The following PPARGC1A variants were observed in gnomAD, a reference collection of about 807,000 sequenced individuals.
The protein encoded by PPARGC1A is peroxisome proliferator-activated receptor gamma coactivator 1-alpha.
PPARGC1A carries 25 observed loss-of-function variants against 88.7 expected under a neutral mutation model. That is an observed-to-expected ratio of 0.28 (90% CI 0.21 to 0.39). The LOEUF is 0.39. Among genes scored for constraint, PPARGC1A ranks in the 10% least tolerant of loss-of-function variants. The pLI is 1.00. For synonymous variants in PPARGC1A, 363 were observed against 355.6 expected, an observed-to-expected ratio of 1.02 and a Z score of -0.24; for missense variants, 880 against 968.7, an observed-to-expected ratio of 0.91 and a Z score of 1.22.
chr4:24,183,926 G>A, the PPARGC1A span, among the ~76,000 whole-genome samples: 2 of 152,240 alleles, frequency 1.3e-5, no homozygotes, highest in East Asian at 1.9e-4. Flanking sequence ...TTTACAAAAC[G>A]GGCCTGGTGT....
intron 10 of PPARGC1A, among the ~76,000 whole-genome samples, chr4:23,812,005 C>A (rs1323843657): frequency 7.1e-6 from 1 of 139,990 alleles, no homozygotes; most frequent in East Asian, 2.3e-4. Flanking sequence ...GCAACCTCCA[C>A]CTCCCTGGTT....
the PPARGC1A span, among the ~76,000 whole-genome samples, chr4:23,917,032 G>T: frequency 5.2e-4 from 79 of 152,268 alleles, no homozygotes; most frequent in Admixed American, 7.2e-4. Flanking sequence ...CTGTGTTCTT[G>T]TTCCCCGCAC....
At chr4:24,463,184 G>A in the PPARGC1A span, among the ~76,000 whole-genome samples, 2 of 152,138 alleles carry the variant, frequency 1.3e-5, no homozygotes, top group Non-Finnish European at 2.9e-5. Context: ...TAAAAATAAA[G>A]TGATGTTGAA....
the PPARGC1A span, among the ~76,000 whole-genome samples, chr4:24,332,569 T>A: frequency 6.6e-6 from 1 of 152,222 alleles, no homozygotes; most frequent in Non-Finnish European, 1.5e-5. Flanking sequence ...TTATCACTTA[T>A]CATTTCAATA....
At chr4:23,955,572 G>A in the PPARGC1A span, among the ~76,000 whole-genome samples, 1 of 151,954 alleles carries the variant, frequency 6.6e-6, no homozygotes, top group African/African-American at 2.4e-5. Context: ...TGAACGTTCA[G>A]GAAAGCAACA....
At chr4:24,150,028 G>A in the PPARGC1A span, among the ~76,000 whole-genome samples, 47 of 152,214 alleles carry the variant, frequency 3.1e-4, no homozygotes, top group Middle Eastern at 3.4e-3. Context: ...TCAATAACTC[G>A]TAGACAGTAT....
intron 10 of PPARGC1A, among the ~76,000 whole-genome samples, chr4:23,811,272 T>C (rs934733247): frequency 6.6e-5 from 10 of 152,212 alleles, no homozygotes; most frequent in East Asian, 1.9e-4. Context: ...TTTTGCAAAA[T>C]TGTGTTGATG....
At chr4:24,259,713 C>T in the PPARGC1A span, among the ~76,000 whole-genome samples, 1 of 152,152 alleles carries the variant, frequency 6.6e-6, no homozygotes, top group Non-Finnish European at 1.5e-5. Flanking sequence ...AGGCACTCCA[C>T]GAATATCGAT....
At chr4:24,446,300 G>C in the PPARGC1A span, among the ~76,000 whole-genome samples, 1 of 152,240 alleles carries the variant, frequency 6.6e-6, no homozygotes, top group Non-Finnish European at 1.5e-5. Flanking sequence ...GTATCTCATT[G>C]TTTTGATGTG....
intron 5 of PPARGC1A, among the ~76,000 whole-genome samples, chr4:23,828,079 G>A (rs1451616148): frequency 6.6e-6 from 1 of 152,130 alleles, no homozygotes; most frequent in Non-Finnish European, 1.5e-5. Flanking sequence ...GGTTAGCCCA[G>A]CTTGTTCATA....
At chr4:24,324,169 G>A in the PPARGC1A span, among the ~76,000 whole-genome samples, 10 of 152,116 alleles carry the variant, frequency 6.6e-5, no homozygotes, top group African/African-American at 2.2e-4. Flanking sequence ...CACCCTTAGC[G>A]GCAAGTCCTG....
chr4:24,027,229 G>GTGTGTGTGTGTGTGTC, the PPARGC1A span, among the ~76,000 whole-genome samples: 504 of 143,248 alleles, frequency 3.5e-3, 3 homozygotes, highest in African/African-American at 0.012. Context: ...CTGTGTGTCT[G>GTGTGTGTGTGTGTGTC]TGTGTGTCTG....
the PPARGC1A span, among the ~76,000 whole-genome samples, chr4:24,133,892 T>C: frequency 6.6e-6 from 1 of 152,192 alleles, no homozygotes; most frequent in Admixed American, 6.5e-5. Context: ...CCTTAAATCC[T>C]AAACTGTCCC....
chr4:24,419,285 C>A, the PPARGC1A span, among the ~76,000 whole-genome samples: 1 of 151,408 alleles, frequency 6.6e-6, no homozygotes, highest in Non-Finnish European at 1.5e-5. Flanking sequence ...TGCTCAGAAA[C>A]CACGGAAGTG....
intron 12 of PPARGC1A, among the ~76,000 whole-genome samples, chr4:23,796,377 A>C (rs947619908): frequency 2.0e-5 from 3 of 152,176 alleles, no homozygotes; most frequent in Admixed American, 6.5e-5. Context: ...CTTCAACCTG[A>C]TGCTTCTCTT....
At chr4:23,829,004 T>C (rs1046127854) in intron 4 of PPARGC1A, among the ~76,000 whole-genome samples, 9 of 152,184 alleles carry the variant, frequency 5.9e-5, no homozygotes, top group African/African-American at 2.2e-4. Flanking sequence ...AAGACAAACA[T>C]TGTTTAATAC....
At chr4:24,179,908 A>T in the PPARGC1A span, among the ~76,000 whole-genome samples, 2 of 152,110 alleles carry the variant, frequency 1.3e-5, no homozygotes, top group Non-Finnish European at 2.9e-5. Context: ...AAACACAAAA[A>T]CATGGGATTA....
At chr4:24,419,776 C>T in the PPARGC1A span, among the ~76,000 whole-genome samples, 1 of 152,044 alleles carries the variant, frequency 6.6e-6, no homozygotes, top group Non-Finnish European at 1.5e-5. Context: ...AAACTATTTC[C>T]TGATTATAAT....
At chr4:24,326,729 C>T in the PPARGC1A span, among the ~76,000 whole-genome samples, 2 of 152,206 alleles carry the variant, frequency 1.3e-5, no homozygotes, top group Non-Finnish European at 2.9e-5. Context: ...AAAACAACTC[C>T]TTTCCTTCCT....
Sources: allele counts gnomAD v4.1 joint callset (sites outside exome capture counted in the v4.1 genomes callset), GRCh38; gene constraint gnomAD v4.1.1; transcripts MANE v1.5; gene names NCBI Gene and HGNC (gene_info 2026-07-23, HGNC 2026-07-21).